FBXW7: variants seen among roughly 807,000 people sequenced by gnomAD.
The protein encoded by FBXW7 is F-box and WD repeat domain containing 7.
Under a neutral mutation model 86.3 loss-of-function variants are expected in FBXW7, and 11 were observed. The observed-to-expected ratio is 0.13, with a 90% CI of 0.08 to 0.21. FBXW7 has a LOEUF of 0.21. Among genes scored for constraint, FBXW7 ranks in the 10% least tolerant of loss-of-function variants. The probability of loss-of-function intolerance (pLI) is 1.00; values close to 1 mark genes in which losing one functional copy is unlikely to be tolerated. For missense variants in FBXW7, 488 were observed against 847.4 expected, an observed-to-expected ratio of 0.58 and a Z score of 5.27; for synonymous variants, 313 against 297.9, an observed-to-expected ratio of 1.05 and a Z score of -0.52.
intron 2 of FBXW7, among the ~76,000 whole-genome samples, chr4:152,418,971 T>A (rs1198230355): frequency 6.6e-6 from 1 of 152,094 alleles, no homozygotes; most frequent in Non-Finnish European, 1.5e-5. Flanking sequence ...AATTCAAAAA[T>A]AATAATTTTA....
At chr4:152,437,415 G>T (rs1740481973) in intron 2 of FBXW7, among the ~76,000 whole-genome samples, 1 of 151,624 alleles carries the variant, frequency 6.6e-6, no homozygotes, top group African/African-American at 2.4e-5. Context: ...AGTCACTGCA[G>T]GCGCGTAGAA....
chr4:152,345,700 A>T (rs1731199944), intron 6 of FBXW7, among the ~76,000 whole-genome samples: 1 of 152,194 alleles, frequency 6.6e-6, no homozygotes. Context: ...AATCACCTGA[A>T]GGGTAGAAAA....
chr4:152,348,715 T>G (rs1338258381), intron 5 of FBXW7: 8 of 1,174,414 alleles, frequency 6.8e-6, no homozygotes, highest in Non-Finnish European at 8.9e-6. Flanking sequence ...GACTGATACA[T>G]TTAAAAAATA....
At chr4:152,431,478 T>C (rs1319447290) in intron 2 of FBXW7, among the ~76,000 whole-genome samples, 1 of 152,204 alleles carries the variant, frequency 6.6e-6, no homozygotes, top group African/African-American at 2.4e-5. Context: ...TGGAATCTCC[T>C]GTTCTCAGGG....
At chr4:152,457,643 CAAAAAAAAAAA>C (rs769232533) in intron 2 of FBXW7, among the ~76,000 whole-genome samples, 3 of 57,468 alleles carry the variant, frequency 5.2e-5, no homozygotes, top group East Asian at 8.4e-4. Flanking sequence ...GACTCTGTCT[CAAAAAAAAAAA>C]AAAAAAAAAA....
At chr4:152,373,156 T>A (rs759286899) in intron 4 of FBXW7, among the ~76,000 whole-genome samples, 3 of 152,044 alleles carry the variant, frequency 2.0e-5, no homozygotes, top group Non-Finnish European at 2.9e-5. Flanking sequence ...CTTGAGTTAG[T>A]GTCCTAGCTA....
intron 4 of FBXW7, among the ~76,000 whole-genome samples, chr4:152,394,219 G>T (rs990566564): frequency 1.3e-5 from 2 of 152,084 alleles, no homozygotes; most frequent in Non-Finnish European, 2.9e-5. Context: ...GTATCAAGCA[G>T]TAATTCTAGA....
intron 4 of FBXW7, among the ~76,000 whole-genome samples, chr4:152,409,968 G>A (rs1353933965): frequency 1.3e-5 from 2 of 152,084 alleles, no homozygotes; most frequent in Non-Finnish European, 2.9e-5. Flanking sequence ...ACATCTTGAA[G>A]GTAAAGAAAA....
intron 2 of FBXW7, among the ~76,000 whole-genome samples, chr4:152,438,200 T>G (rs1279717785): frequency 1.3e-5 from 2 of 152,128 alleles, no homozygotes; most frequent in Admixed American, 1.3e-4. Context: ...AAAGTATTTT[T>G]TAGTTAAGGT....
intron 11 of FBXW7, 72 bp downstream of exon 11, chr4:152,328,136 T>C (rs988233769): frequency 1.6e-6 from 2 of 1,245,478 alleles, no homozygotes; most frequent in African/African-American, 1.6e-5. Flanking sequence ...TTTCAGTAAC[T>C]CTACACAGAA....
At chr4:152,497,913 A>T (rs545628031) in intron 2 of FBXW7, among the ~76,000 whole-genome samples, 5 of 152,080 alleles carry the variant, frequency 3.3e-5, no homozygotes, top group African/African-American at 1.2e-4. Flanking sequence ...GAATGAACTA[A>T]ATCTACACAT....
intron 2 of FBXW7, among the ~76,000 whole-genome samples, chr4:152,494,581 G>C (rs1200972608): frequency 6.6e-6 from 1 of 152,178 alleles, no homozygotes; most frequent in Non-Finnish European, 1.5e-5. Flanking sequence ...TACCAAATAA[G>C]TGAAAAATCA....
chr4:152,370,913 G>T (rs1053254390), intron 4 of FBXW7, among the ~76,000 whole-genome samples: 1 of 150,948 alleles, frequency 6.6e-6, no homozygotes, highest in Non-Finnish European at 1.5e-5. Context: ...AGTCACAAAA[G>T]AAAACTTTAT....
intron 2 of FBXW7, among the ~76,000 whole-genome samples, chr4:152,479,042 A>G (rs912809184): frequency 1.3e-5 from 2 of 152,138 alleles, no homozygotes; most frequent in East Asian, 3.8e-4. Context: ...CTAATAAACG[A>G]TAAACAAGGA....
intron 13 of FBXW7, 57 bp downstream of exon 13, chr4:152,324,127 T>G: frequency 1.1e-5 from 15 of 1,363,390 alleles, no homozygotes; most frequent in Non-Finnish European, 1.6e-5. Flanking sequence ...GCTCCATATT[T>G]CTCTTGAATA....
intron 2 of FBXW7, among the ~76,000 whole-genome samples, chr4:152,520,422 A>G (rs1159115372): frequency 6.7e-6 from 1 of 149,410 alleles, no homozygotes; most frequent in Non-Finnish European, 1.5e-5. Context: ...CCTGGGCGAC[A>G]GAGCGAGACT....
At chr4:152,340,448 G>T (rs547717020) in intron 6 of FBXW7, among the ~76,000 whole-genome samples, 2 of 151,444 alleles carry the variant, frequency 1.3e-5, no homozygotes, top group Admixed American at 6.6e-5. Context: ...GCATCGTGGC[G>T]GGCGCCTGTA....
At chr4:152,504,439 A>C (rs1401176435) in intron 2 of FBXW7, among the ~76,000 whole-genome samples, 1 of 152,168 alleles carries the variant, frequency 6.6e-6, no homozygotes, top group Non-Finnish European at 1.5e-5. Flanking sequence ...CCTAACATCC[A>C]ATCTCCTTTT....
chr4:152,429,580 G>A (rs1298914475), intron 2 of FBXW7, among the ~76,000 whole-genome samples: 2 of 152,148 alleles, frequency 1.3e-5, no homozygotes, highest in African/African-American at 4.8e-5. Context: ...TAAGTATGCT[G>A]GAAGCCATGC....
Sources: gnomAD v4.1 joint callset for allele counts (sites outside exome capture counted in the v4.1 genomes callset) on GRCh38, gnomAD v4.1.1 for gene constraint, MANE v1.5 for transcripts, NCBI Gene and HGNC (gene_info 2026-07-23, HGNC 2026-07-21) for gene names.